IGBP1: variants seen among roughly 807,000 people sequenced by gnomAD.
IGBP1 encodes immunoglobulin-binding protein 1.
IGBP1 carries 2 observed loss-of-function variants against 25.9 expected under a neutral mutation model. The ratio of observed to expected loss-of-function variants is 0.08; its 90% CI spans 0.03 to 0.24. IGBP1 has a LOEUF of 0.24. IGBP1 is among the 10% of genes least tolerant of loss of function. The probability of loss-of-function intolerance (pLI) is 1.00; values close to 1 mark genes in which losing one functional copy is unlikely to be tolerated. For synonymous variants in IGBP1, 96 were observed against 93.4 expected (o/e 1.03, Z -0.16); for missense variants, 187 against 260.4 (o/e 0.72, Z 1.94).
chrX:70,134,714 C>T lies in IGBP1; in HGVS notation c.380C>T (p.Pro127Leu). 8.3e-7 allele frequency: 1 copy of T among 1,211,029 alleles called. No individual in the cohort carries two copies. The highest frequency in any genetic ancestry group is 1.1e-6 in the Non-Finnish European group (1 of 894,623). Residue 127 changes from proline to leucine, a missense_variant, in exon 3 of 7, where the codon CCC becomes CTC. Transcript: ENST00000356413. ...HCYHVAEFEL[P>L]KTMNNSAENH... ...TATCATGTGGCAGAGTTTGAGCTGCCCAAAACCATGAACAACTCTGCTGAA... is the reference window on the plus strand; with the variant it reads ...TATCATGTGGCAGAGTTTGAGCTGCTCAAAACCATGAACAACTCTGCTGAA...
chrX:70,150,422 T>G (rs1312440203), intron 6 of IGBP1, 100 bp downstream of exon 6: 2 of 544,200 alleles, frequency 3.7e-6, no homozygotes, highest in Middle Eastern at 3.1e-4. Context: ...ACAGAAATAG[T>G]GGGGACAAAG....
chrX:70,138,573 A>C (rs972266094), intron 3 of IGBP1, among the ~76,000 whole-genome samples: 34 of 111,477 alleles, frequency 3.0e-4, no homozygotes, highest in African/African-American at 1.0e-3. Context: ...TTTTTAAATA[A>C]AAAATAAGCC....
chrX:70,139,619 G>A (rs1274132162), intron 3 of IGBP1, among the ~76,000 whole-genome samples: 1 of 111,423 alleles, frequency 9.0e-6, no homozygotes, highest in Non-Finnish European at 1.9e-5. Flanking sequence ...CTCAGTAAGT[G>A]TACCACCATT....
At chrX:70,145,094 G>A (rs182312545) in intron 3 of IGBP1, among the ~76,000 whole-genome samples, 3 of 109,680 alleles carry the variant, frequency 2.7e-5, no homozygotes, top group Admixed American at 9.8e-5. Context: ...AAAATTTGTG[G>A]GAGTTCAAGG....
chrX:70,147,999 A>G (rs2085177813), intron 4 of IGBP1, among the ~76,000 whole-genome samples: 1 of 111,972 alleles, frequency 8.9e-6, no homozygotes, highest in African/African-American at 3.2e-5. Flanking sequence ...AGTGCTTTTC[A>G]AGCATTTTGA....
At chrX:70,145,278 C>A (rs761517193) in intron 3 of IGBP1, among the ~76,000 whole-genome samples, 35 of 111,065 alleles carry the variant, frequency 3.2e-4, no homozygotes, top group African/African-American at 1.1e-3. Flanking sequence ...TTCTCTCTTT[C>A]CTTCAGGCTC....
intron 6 of IGBP1, among the ~76,000 whole-genome samples, chrX:70,154,714 C>CAAAAAAAAAAAAAAAAA (rs762954223): frequency 7.4e-5 from 2 of 27,100 alleles, no homozygotes; most frequent in Non-Finnish European, 1.1e-4. Context: ...CCCCTCTCCA[C>CAAAAAAAAAAAAAAAAA]AAAAAAAAAA....
In IGBP1 at chrX:70,133,922, ATCT is replaced by A. The variant is rs2085078214; in HGVS notation, c.-23_-21del. The A allele has an allele frequency of 8.4e-7, 1 of 1,196,386 alleles. No homozygotes were observed. The highest frequency in any genetic ancestry group is 1.7e-5 in the African/African-American group (1 of 57,423). On this transcript the variant is annotated 5_prime_UTR_variant, in exon 2 of 7. Coordinates refer to ENST00000356413, the MANE Select transcript of IGBP1 (RefSeq NM_001551.3). ...GGTTGCCTTTGACCCCGGAAAAGAG[ATCT>A]TCCGGGTTCCTCTCTCCCCAAGATG...
At chrX:70,141,002 C>G (rs774903214) in intron 3 of IGBP1, among the ~76,000 whole-genome samples, 30 of 110,785 alleles carry the variant, frequency 2.7e-4, no homozygotes, top group African/African-American at 9.2e-4. Flanking sequence ...AAGGATAAAA[C>G]TTTGGGGCAA....
rs1351045179 is a variant in IGBP1, at chrX:70,147,820, C to G, written c.679-941C>G. On this transcript the variant is annotated intron_variant, in intron 4 of 6. Coordinates refer to ENST00000356413, the MANE Select transcript of IGBP1 (RefSeq NM_001551.3). ...TTGGGTTGAATTTATCAGCAAGTCA[C>G]AGGCATTTATTTAAGTCCTCAGAGA... Among the ~76,000 whole-genome samples, 8 of 112,296 alleles carry G rather than the reference C, an allele frequency of 7.1e-5. No individual in the cohort carries two copies. The Admixed American group carries it at 7.5e-4, about 11-fold the overall frequency.
At position 70,134,749 on chromosome X, in the gene IGBP1, G is replaced by A. The variant is rs1410430155; in HGVS notation, c.415G>A (p.Ala139Thr). 1 of 1,210,165 alleles carries A rather than the reference G, an allele frequency of 8.3e-7. No individual in the cohort carries two copies. The highest frequency in any genetic ancestry group is 1.1e-6 in the Non-Finnish European group (1 of 894,868). Reference protein sequence around the residue: ...TMNNSAENHTANSSMAYPSLV... With the variant: ...TMNNSAENHTTNSSMAYPSLV... ...GAACAACTCTGCTGAAAATCACACT[G>A]CCAATTCCTCCATGGCTTATCCTAG... The change falls in exon 3 of 7, where the codon GCC becomes ACC. Residue 139 changes from alanine (A) to threonine (T), a missense_variant. Ala to Thr is a moderately conservative substitution (Grantham distance 58). Coordinates refer to ENST00000356413, the MANE Select transcript of IGBP1 (RefSeq NM_001551.3).
chrX:70,141,341 T>A (rs1279403431), intron 3 of IGBP1, among the ~76,000 whole-genome samples: 3 of 107,361 alleles, frequency 2.8e-5, no homozygotes, highest in Non-Finnish European at 5.8e-5. Context: ...AGCAAGACCC[T>A]GTTGCAAAAA....
chrX:70,142,942 A>C (rs1171093658), intron 3 of IGBP1, among the ~76,000 whole-genome samples: 3 of 66,124 alleles, frequency 4.5e-5, no homozygotes, highest in Non-Finnish European at 7.8e-5. Flanking sequence ...TTTTTTTGTG[A>C]GACAGAGTTT....
intron 6 of IGBP1, chrX:70,163,847 C>G (rs2085283082): frequency 8.9e-6 from 1 of 112,194 alleles, no homozygotes; most frequent in Non-Finnish European, 1.9e-5. Flanking sequence ...TATGCCCCAA[C>G]TTCTTCAACA....
intron 3 of IGBP1, among the ~76,000 whole-genome samples, chrX:70,143,920 G>A (rs1468812879): frequency 3.6e-5 from 4 of 112,494 alleles, no homozygotes; most frequent in African/African-American, 6.5e-5. Flanking sequence ...GGCTGGGCGC[G>A]GTGGCTCACG....
Position 70,133,889 on chromosome X carries a change from T to G in IGBP1, c.-59T>G. The G allele has an allele frequency of 9.2e-7, 1 of 1,083,473 alleles. No homozygotes were observed. Among genetic ancestry groups the G allele is most frequent in the Non-Finnish European group, 1.3e-6 (1 of 789,371 alleles). 89.3% of individuals were successfully genotyped at this position (1,083,473 alleles called of 1,213,427 possible). A position where few individuals can be genotyped will look rare whatever the true frequency, so the allele number is the denominator to read the frequency against. On this transcript the variant is annotated 5_prime_UTR_variant, in exon 2 of 7. Transcript: ENST00000356413. Reference sequence around the variant, plus strand: ...TTTGTCCGCGCTCGCCTAATTCTTCTTTATCAAGGTTGCCTTTGACCCCGG... The same window carrying G: ...TTTGTCCGCGCTCGCCTAATTCTTCGTTATCAAGGTTGCCTTTGACCCCGG...
intron 4 of IGBP1, 91 bp downstream of exon 4, chrX:70,146,919 GT>G (rs1239721885): frequency 1.4e-6 from 1 of 697,046 alleles, no homozygotes; most frequent in African/African-American, 2.1e-5. Flanking sequence ...TAAAATCACT[GT>G]TTTTATCAAG....
At chrX:70,134,902 A>G in intron 3 of IGBP1, 86 bp downstream of exon 3, 1 of 897,984 alleles carries the variant, frequency 1.1e-6, no homozygotes, top group Non-Finnish European at 1.6e-6. Flanking sequence ...GGGGGCCAGA[A>G]TGGTATGTGT....
intron 6 of IGBP1, among the ~76,000 whole-genome samples, chrX:70,163,050 A>G (rs1473788822): frequency 9.1e-6 from 1 of 110,198 alleles, no homozygotes; most frequent in Non-Finnish European, 1.9e-5. Flanking sequence ...ATAATTATAT[A>G]TATATATTTT....
Sources: allele counts gnomAD v4.1 joint callset (sites outside exome capture counted in the v4.1 genomes callset), GRCh38; gene constraint gnomAD v4.1.1; transcripts MANE v1.5; gene names NCBI Gene and HGNC (gene_info 2026-07-23, HGNC 2026-07-21).